CNTNAP5: variants seen among roughly 807,000 people sequenced by gnomAD.
CNTNAP5 encodes contactin associated protein family member 5.
Under a neutral mutation model 150.2 loss-of-function variants are expected in CNTNAP5, and 72 were observed. That is an observed-to-expected ratio of 0.48 (90% CI 0.40 to 0.58). CNTNAP5 has a LOEUF of 0.58. CNTNAP5 is among the 20% of genes least tolerant of loss of function. The pLI, the probability that CNTNAP5 is intolerant of heterozygous loss-of-function variation, is 0.00. For synonymous variants in CNTNAP5, 672 were observed against 619.8 expected (o/e 1.08, Z -1.25); for missense variants, 1,636 against 1,626.2 (o/e 1.01, Z -0.10).
intron 3 of CNTNAP5, among the ~76,000 whole-genome samples, chr2:124,316,678 G>T (rs987172382): frequency 3.3e-5 from 5 of 151,592 alleles, no homozygotes; most frequent in Admixed American, 6.6e-5. Flanking sequence ...GGTGGCAGGT[G>T]CCTGTAGTCC....
chr2:124,568,904 C>A (rs1369504110), intron 11 of CNTNAP5, among the ~76,000 whole-genome samples: 1 of 152,166 alleles, frequency 6.6e-6, no homozygotes, highest in Non-Finnish European at 1.5e-5. Context: ...AAAAATTACC[C>A]TGGCGTGGCG....
At chr2:124,640,042 G>T (rs1678057812) in intron 12 of CNTNAP5, among the ~76,000 whole-genome samples, 1 of 152,076 alleles carries the variant, frequency 6.6e-6, no homozygotes, top group Non-Finnish European at 1.5e-5. Flanking sequence ...CAGCCTGTTA[G>T]CGAAACTTGC....
intron 1 of CNTNAP5, among the ~76,000 whole-genome samples, chr2:124,067,812 C>G (rs1054856775): frequency 2.0e-5 from 3 of 152,158 alleles, no homozygotes; most frequent in Admixed American, 6.5e-5. Context: ...GAAGTTAGAA[C>G]TTGTATTTTC....
At chr2:124,861,806 A>T (rs115247132) in intron 19 of CNTNAP5, among the ~76,000 whole-genome samples, 7,716 of 151,966 alleles carry the variant, frequency 0.051, 625 homozygotes, top group African/African-American at 0.17. Flanking sequence ...ATTTTTATTT[A>T]TTTTATTCTA....
chr2:124,118,496 G>A (rs759241473), intron 1 of CNTNAP5, among the ~76,000 whole-genome samples: 5 of 152,224 alleles, frequency 3.3e-5, no homozygotes, highest in Non-Finnish European at 7.3e-5. Flanking sequence ...TGACATGACA[G>A]TAAGCTAGTT....
intron 21 of CNTNAP5, among the ~76,000 whole-genome samples, 171 bp downstream of exon 21, chr2:124,869,933 A>T (rs1270956278): frequency 6.6e-6 from 1 of 152,214 alleles, no homozygotes; most frequent in African/African-American, 2.4e-5. Context: ...TCTGTGGCAG[A>T]AATAGGCAAT....
intron 3 of CNTNAP5, among the ~76,000 whole-genome samples, chr2:124,376,701 G>T (rs1690658144): frequency 6.6e-6 from 1 of 152,030 alleles, no homozygotes; most frequent in South Asian, 2.1e-4. Flanking sequence ...CCAATTTTGT[G>T]TGAGCATGTC....
chr2:124,736,191 T>C (rs1680378771), intron 13 of CNTNAP5, among the ~76,000 whole-genome samples: 1 of 151,954 alleles, frequency 6.6e-6, no homozygotes, highest in Admixed American at 6.6e-5. Context: ...GATCACGCCA[T>C]TGCACTCCAG....
intron 13 of CNTNAP5, among the ~76,000 whole-genome samples, chr2:124,668,400 T>A (rs1304986972): frequency 1.3e-5 from 2 of 152,120 alleles, no homozygotes; most frequent in African/African-American, 4.8e-5. Flanking sequence ...TCCAGAGGCA[T>A]TGAGGGGCAA....
chr2:124,359,090 A>G (rs189299040), intron 3 of CNTNAP5, among the ~76,000 whole-genome samples: 33,462 of 151,326 alleles, frequency 0.22, 3,922 homozygotes, highest in Middle Eastern at 0.28. Context: ...GTTTATTTGC[A>G]TAGAGGTGTT....
rs182880156 is a variant in CNTNAP5 at position 124,188,676 on chromosome 2, G to A, written c.83-33029G>A. On this transcript the variant is annotated intron_variant, in intron 1 of 23. Coordinates refer to ENST00000682447, the MANE Select transcript of CNTNAP5 (RefSeq NM_001367498.1). ...AGAGCTTGCAGTGAGCCGAGATCAC[G>A]CCACTGCACTCCAGCCTGGGTGACA... Among the ~76,000 whole-genome samples, 81 of 131,084 alleles carry A rather than the reference G, an allele frequency of 6.2e-4. 2 individuals are homozygous for A. The East Asian group carries it at 0.015, about 24-fold the overall frequency. 86.0% of individuals were successfully genotyped at this position (131,084 alleles called of 152,430 possible). A position where few individuals can be genotyped will look rare whatever the true frequency, so the allele number is the denominator to read the frequency against.
At position 124,320,725 on chromosome 2, in the gene CNTNAP5, T is replaced by C. The variant is rs116824923; in HGVS notation, c.381+78332T>C. On this transcript the variant is annotated intron_variant, in intron 3 of 23. Transcript: ENST00000682447. ...AATTAAATTGTCTGTATTTAATTAT[T>C]TAAAGTATTTTCACATTTTATGTGA... Among the ~76,000 whole-genome samples, 586 of 152,300 alleles carry C rather than the reference T, an allele frequency of 3.8e-3. 5 individuals are homozygous for C. The highest frequency in any genetic ancestry group is 0.014 in the African/African-American group (565 of 41,562).
intron 12 of CNTNAP5, among the ~76,000 whole-genome samples, chr2:124,625,402 A>G (rs1384742867): frequency 6.6e-6 from 1 of 152,198 alleles, no homozygotes; most frequent in African/African-American, 2.4e-5. Flanking sequence ...GCCTATTCCC[A>G]GCAATGTTTA....
rs71394021 is a variant in CNTNAP5 at position 124,084,924 on chromosome 2, G to GT, written c.82+59207dup. Among the ~76,000 whole-genome samples, 19 of 89,994 alleles carry GT rather than the reference G, an allele frequency of 2.1e-4. 1 individual carries two copies. Among genetic ancestry groups the GT allele is most frequent in the African/African-American group, 7.2e-4 (17 of 23,762 alleles). 59.0% of individuals were successfully genotyped at this position (89,994 alleles called of 152,430 possible). ...TAAAAATTATGAATTCAAGTTTCCT[G>GT]TTTTTTTTTTTTTTTGAGACGGAGT... is the stretch of plus-strand genomic sequence containing the variant. On this transcript the variant is annotated intron_variant, in intron 1 of 23. Coordinates refer to ENST00000682447, the MANE Select transcript of CNTNAP5 (RefSeq NM_001367498.1).
intron 3 of CNTNAP5, among the ~76,000 whole-genome samples, chr2:124,381,808 C>T (rs1356519577): frequency 6.6e-6 from 1 of 151,962 alleles, no homozygotes; most frequent in Non-Finnish European, 1.5e-5. Context: ...AATGAGGCCA[C>T]TTAGGGAAAG....
intron 14 of CNTNAP5, among the ~76,000 whole-genome samples, chr2:124,762,210 G>A (rs1331397989): frequency 6.6e-6 from 1 of 152,080 alleles, no homozygotes; most frequent in East Asian, 1.9e-4. Context: ...TGGCCTCTAA[G>A]TACAGGTATT....
At chr2:124,247,446 G>C (rs186149485) in intron 3 of CNTNAP5, among the ~76,000 whole-genome samples, 1 of 152,112 alleles carries the variant, frequency 6.6e-6, no homozygotes, top group Non-Finnish European at 1.5e-5. Context: ...TCACATGCAC[G>C]AAGCTTGTCA....
chr2:124,362,064 C>T (rs1459036525), intron 3 of CNTNAP5, among the ~76,000 whole-genome samples: 2 of 152,166 alleles, frequency 1.3e-5, no homozygotes, highest in Middle Eastern at 3.2e-3. Context: ...TGGGAGTGAC[C>T]CGATTTTCCC....
In CNTNAP5 at chr2:124,171,876, C is replaced by T. The variant is rs142222072; in HGVS notation, c.83-49829C>T. Among the ~76,000 whole-genome samples the T allele has an allele frequency of 2.5e-3, 388 of 152,318 alleles. 1 individual carries two copies. Among genetic ancestry groups the T allele is most frequent in the African/African-American group, 8.8e-3 (364 of 41,576 alleles). On this transcript the variant is annotated intron_variant, in intron 1 of 23. Coordinates refer to ENST00000682447, the MANE Select transcript of CNTNAP5 (RefSeq NM_001367498.1). ...CACTTAGATGTAAGCCAGTCTCTTTCGGCCAGCTTATTAGCTCAGAGGCTA... is the reference window on the plus strand; with the variant it reads ...CACTTAGATGTAAGCCAGTCTCTTTTGGCCAGCTTATTAGCTCAGAGGCTA...
Sources: gnomAD v4.1 joint callset for allele counts (sites outside exome capture counted in the v4.1 genomes callset) on GRCh38, gnomAD v4.1.1 for gene constraint, MANE v1.5 for transcripts, NCBI Gene and HGNC (gene_info 2026-07-23, HGNC 2026-07-21) for gene names.